Variants in EGFLAM observed in about 807,000 individuals in gnomAD.
EGFLAM encodes pikachurin.
In EGFLAM, 79 loss-of-function variants were observed where a neutral mutation model predicts 113.1. That is an observed-to-expected ratio of 0.70 (90% CI 0.58 to 0.84). The LOEUF is 0.84. EGFLAM is among the 40% of genes least tolerant of loss of function. EGFLAM has a pLI of 0.00. For synonymous variants in EGFLAM, 504 were observed against 487.6 expected, an observed-to-expected ratio of 1.03 and a Z score of -0.44; for missense variants, 1,265 against 1,291.6, an observed-to-expected ratio of 0.98 and a Z score of 0.32.
At chr5:38,433,816 G>A (rs1405304273) in intron 15 of EGFLAM, among the ~76,000 whole-genome samples, 1 of 152,192 alleles carries the variant, frequency 6.6e-6, no homozygotes, top group Admixed American at 6.5e-5. Flanking sequence ...ATTCCTGAAA[G>A]CCTTTATACT....
chr5:38,452,036 CTT>C (rs550236407), intron 19 of EGFLAM, among the ~76,000 whole-genome samples: 1,299 of 118,336 alleles, frequency 0.011, 27 homozygotes, highest in African/African-American at 0.039. Flanking sequence ...TCCAACAGGA[CTT>C]TTTTTTTTTT....
intron 3 of EGFLAM, among the ~76,000 whole-genome samples, chr5:38,339,069 T>C (rs1739267142): frequency 1.3e-5 from 2 of 152,344 alleles, no homozygotes; most frequent in East Asian, 3.9e-4. Flanking sequence ...GTTTTTCCCC[T>C]TCTTTTCTTC....
intron 16 of EGFLAM, among the ~76,000 whole-genome samples, chr5:38,437,465 C>T (rs1320552171): frequency 6.6e-6 from 1 of 152,160 alleles, no homozygotes. Context: ...TGACTTCCGC[C>T]TCCGTAACAC....
chr5:38,339,873 G>T (rs553243209), intron 3 of EGFLAM, among the ~76,000 whole-genome samples: 4 of 152,152 alleles, frequency 2.6e-5, no homozygotes, highest in Admixed American at 1.3e-4. Flanking sequence ...TCGGCACCCA[G>T]CATTGGCCGC....
chr5:38,419,883 C>T (rs780637026), intron 12 of EGFLAM, among the ~76,000 whole-genome samples: 18 of 152,122 alleles, frequency 1.2e-4, no homozygotes, highest in South Asian at 8.3e-4. Flanking sequence ...AAAAATTAGC[C>T]GGGCTTAGTG....
rs1426070867 is a variant in EGFLAM, at chr5:38,464,519, T to C, written c.*533T>C. On this transcript the variant is annotated 3_prime_UTR_variant, in exon 22 of 22. Coordinates refer to ENST00000322350, the MANE Select transcript of EGFLAM (RefSeq NM_152403.4). Reference sequence around the variant, plus strand: ...GGCTGGTTCACTGTGTTCTGACTAGTCCATAAAAATAAAGATGGAAGGAGA... The same window carrying C: ...GGCTGGTTCACTGTGTTCTGACTAGCCCATAAAAATAAAGATGGAAGGAGA... 1 of 152,782 alleles carries C rather than the reference T, an allele frequency of 6.5e-6. No homozygotes were observed. The highest frequency in any genetic ancestry group is 1.5e-5 in the Non-Finnish European group (1 of 68,482). 9.5% of individuals were successfully genotyped at this position (152,782 alleles called of 1,614,324 possible).
At chr5:38,312,851 G>C (rs921052041) in intron 1 of EGFLAM, among the ~76,000 whole-genome samples, 10 of 152,158 alleles carry the variant, frequency 6.6e-5, no homozygotes, top group African/African-American at 2.4e-4. Context: ...ACTTTGGGAG[G>C]TGGAGGTGGG....
In EGFLAM at chr5:38,418,186, G is replaced by T. The variant is rs771949429; in HGVS notation, c.1615G>T (p.Ala539Ser). Reference protein sequence around the residue: ...RGFQGCVQSLAVNGRRIDMRP... With the variant: ...RGFQGCVQSLSVNGRRIDMRP... Reference sequence around the variant, plus strand: ...CTTTCAAGGCTGTGTGCAGTCGCTCGCTGTGAATGGGAGGAGAATTGACAT... The same window carrying T: ...CTTTCAAGGCTGTGTGCAGTCGCTCTCTGTGAATGGGAGGAGAATTGACAT... The change falls in exon 12 of 22, where the codon GCT (alanine) becomes TCT (serine). Residue 539 changes from alanine to serine, a missense_variant. Ala to Ser is a moderately conservative substitution (Grantham distance 99, BLOSUM62 1). Transcript: ENST00000322350. 8 of 1,614,030 alleles carry T rather than the reference G, an allele frequency of 5.0e-6. No individual in the cohort carries two copies. The highest frequency in any genetic ancestry group is 2.2e-5 in the East Asian group (1 of 44,866).
chr5:38,383,334 CT>C (rs2112067648), intron 6 of EGFLAM, among the ~76,000 whole-genome samples: 1 of 151,606 alleles, frequency 6.6e-6, no homozygotes, highest in Non-Finnish European at 1.5e-5. Flanking sequence ...AAATAAAAAG[CT>C]GGCAAATTCA....
At chr5:38,314,148 TAA>T (rs1255999185) in intron 1 of EGFLAM, among the ~76,000 whole-genome samples, 1 of 152,236 alleles carries the variant, frequency 6.6e-6, no homozygotes, top group African/African-American at 2.4e-5. Flanking sequence ...CATTTGGAGT[TAA>T]AGTTATGTTG....
At chr5:38,356,172 G>T (rs1398113181) in intron 5 of EGFLAM, among the ~76,000 whole-genome samples, 1 of 152,172 alleles carries the variant, frequency 6.6e-6, no homozygotes, top group African/African-American at 2.4e-5. Flanking sequence ...TTCAAATTTA[G>T]AATTCTTATA....
intron 1 of EGFLAM, among the ~76,000 whole-genome samples, chr5:38,266,976 AG>A (rs1234414261): frequency 1.3e-5 from 2 of 152,210 alleles, no homozygotes; most frequent in Admixed American, 6.5e-5. Context: ...TCAGCTGGAA[AG>A]AGCCCCCACT....
intron 5 of EGFLAM, among the ~76,000 whole-genome samples, chr5:38,354,208 G>A (rs1029691639): frequency 1.3e-4 from 20 of 151,626 alleles, no homozygotes; most frequent in Non-Finnish European, 7.4e-5. Flanking sequence ...GATAATCTAC[G>A]CCCCTGCCAT....
intron 1 of EGFLAM, among the ~76,000 whole-genome samples, chr5:38,317,109 A>G (rs112881345): frequency 0.011 from 1,721 of 152,300 alleles, 40 homozygotes; most frequent in African/African-American, 0.04. Context: ...CAGCAAGATC[A>G]CTTTCTATGA....
intron 1 of EGFLAM, among the ~76,000 whole-genome samples, chr5:38,275,915 A>C (rs904609776): frequency 1.3e-5 from 2 of 152,206 alleles, no homozygotes; most frequent in Admixed American, 6.5e-5. Context: ...AACAGGAGGA[A>C]CATTGGGAAA....
At chr5:38,451,522 C>G in intron 19 of EGFLAM, 64 bp downstream of exon 19, 1 of 1,568,558 alleles carries the variant, frequency 6.4e-7, no homozygotes, top group South Asian at 1.2e-5. Context: ...GCAGATCATG[C>G]CAGAGTGATT....
At chr5:38,345,335 T>C (rs1347669584) in intron 3 of EGFLAM, 2 of 152,240 alleles carry the variant, frequency 1.3e-5, no homozygotes, top group African/African-American at 4.8e-5. Flanking sequence ...ACTATAATGA[T>C]GATACCAATT....
At chr5:38,348,824 A>T (rs1739542089) in intron 3 of EGFLAM, among the ~76,000 whole-genome samples, 1 of 151,524 alleles carries the variant, frequency 6.6e-6, no homozygotes, top group African/African-American at 2.4e-5. Flanking sequence ...AGGAGGGGGA[A>T]CAGATGGGGC....
At chr5:38,415,543 A>G (rs1031641063) in intron 11 of EGFLAM, among the ~76,000 whole-genome samples, 1 of 151,828 alleles carries the variant, frequency 6.6e-6, no homozygotes, top group Non-Finnish European at 1.5e-5. Context: ...GTGTGGTGGC[A>G]TATGCCTGTA....
Sources: allele counts gnomAD v4.1 joint callset (sites outside exome capture counted in the v4.1 genomes callset), GRCh38; gene constraint gnomAD v4.1.1; transcripts MANE v1.5; gene names NCBI Gene and HGNC (gene_info 2026-07-23, HGNC 2026-07-21).